Variants in SGSM2 observed in about 807,000 individuals in gnomAD.
SGSM2 encodes small G protein signaling modulator 2.
Under a neutral mutation model 126.6 loss-of-function variants are expected in SGSM2, and 89 were observed. The observed-to-expected ratio is 0.70, with a 90% CI of 0.59 to 0.84. The LOEUF (loss-of-function observed/expected upper bound fraction) is 0.84. SGSM2 is among the 40% of genes least tolerant of loss of function. The pLI is 0.00. For missense variants in SGSM2, 1,404 were observed against 1,416.6 expected (o/e 0.99, Z 0.14); for synonymous variants, 614 against 574.3 (o/e 1.07, Z -0.99).
chr17:2,363,085 G>C lies in SGSM2; in HGVS notation c.623G>C (p.Arg208Pro). ...ADELVQRHRIRGPPTRQDSPA... is the reference protein window; with the variant it reads ...ADELVQRHRIPGPPTRQDSPA... ...GAGCTGGTCCAGCGGCACCGCATCC[G>C]GGGTCCACCTACTCGCCAGGACTCC... Residue 208 changes from arginine (R) to proline (P), a missense_variant, in exon 6 of 24, where the codon CGG becomes CCG. By Grantham distance (103) the Arg-to-Pro change is moderately radical. Transcript: ENST00000268989. The surrounding 1 kb of genome is among the most constrained non-coding windows in gnomAD (Gnocchi z 4.2). The C allele has an allele frequency of 1.2e-6, 2 of 1,613,280 alleles. No individual in the cohort carries two copies. Among genetic ancestry groups the C allele is most frequent in the Non-Finnish European group, 1.7e-6 (2 of 1,179,858 alleles).
At position 2,373,419 on chromosome 17, in the gene SGSM2, C is replaced by A; in HGVS notation, c.2006C>A (p.Ala669Asp). ...EVVVRQREREAHPATRTKFSS... is the reference protein window; with the variant it reads ...EVVVRQREREDHPATRTKFSS... ...GTGGTGAGGCAGCGGGAGCGGGAGG[C>A]CCACCCAGCCACACGCACCAAGTTC... Residue 669 changes from alanine (A) to aspartate (D), a missense_variant, in exon 17 of 24, where the codon GCC (alanine) becomes GAC (aspartate). Transcript: ENST00000268989. The A allele has an allele frequency of 6.2e-7, 1 of 1,611,682 alleles. No homozygotes were observed.
In SGSM2 at chr17:2,362,138, T is replaced by C; in HGVS notation, c.326T>C (p.Leu109Pro). ...RKPSGVSQEA[L>P]RRQGSASGKA... ...CCCTCAGGGGTCAGCCAGGAGGCCC[T>C]GCGGAGACAGGGCTCAGCCAGCGGG... The change falls in exon 4 of 24, where the codon CTG (leucine) becomes CCG (proline). Residue 109 changes from leucine (L) to proline (P), a missense_variant. Physicochemically the swap from Leu to Pro is moderately conservative, Grantham distance 98 (BLOSUM62 -3). Transcript: ENST00000268989. The surrounding 1 kb of genome is among the most constrained non-coding windows in gnomAD (Gnocchi z 4.9). The C allele has an allele frequency of 6.2e-7, 1 of 1,613,528 alleles. No individual in the cohort carries two copies. Among genetic ancestry groups the C allele is most frequent in the Non-Finnish European group, 8.5e-7 (1 of 1,179,896 alleles).
intron 21 of SGSM2, chr17:2,377,483 C>CAAA (rs11339431): frequency 2.2e-4 from 25 of 112,504 alleles, no homozygotes; most frequent in Admixed American, 4.4e-4. Context: ...GACTCTGTCT[C>CAAA]AAAAAAAAAA....
intron 1 of SGSM2, among the ~76,000 whole-genome samples, chr17:2,340,781 TCACC>T (rs2151466492): frequency 6.6e-6 from 1 of 152,094 alleles, no homozygotes; most frequent in East Asian, 2.0e-4. Context: ...AGACGGGGTT[TCACC>T]ATGTTAGCCA....
At chr17:2,365,455 C>CTG in intron 11 of SGSM2, 114 bp downstream of exon 11, 1 of 1,250,298 alleles carries the variant, frequency 8.0e-7, no homozygotes, top group South Asian at 1.6e-5. Flanking sequence ...GCCAGGTTAA[C>CTG]ACCAGAGGCT....
Position 2,371,318 on chromosome 17 carries a change from C to T in SGSM2, c.1480C>T (p.Leu494=), listed in dbSNP as rs1254158240. ...TGGGCCCAGCCTGCCAGCCTGGCAC[C>T]TGGAGCCCCTGTGCAGTCAGGGCTC... The part of the protein sequence containing the change: ...GFGPSLPAWH[L]EPLCSQGSSC... The change falls in exon 13 of 24, where the codon CTG becomes TTG. Residue 494 remains leucine, a synonymous_variant. Transcript: ENST00000268989. 4 of 1,612,408 alleles carry T rather than the reference C, an allele frequency of 2.5e-6. No homozygotes were observed. The highest frequency in any genetic ancestry group is 1.7e-4 in the Middle Eastern group (1 of 5,984).
chr17:2,362,399 G>A lies in SGSM2; in HGVS notation c.458+129G>A, dbSNP rs1346208652. The A allele has an allele frequency of 8.6e-6, 9 of 1,040,678 alleles. No individual in the cohort carries two copies. In the African/African-American group the frequency reaches 8.9e-5, roughly 10 times the overall value. The allele number at this position is 1,040,678 out of a possible 1,614,324, so 64.5% of individuals were successfully genotyped here. A position where few individuals can be genotyped will look rare whatever the true frequency, so the allele number is the denominator to read the frequency against. On this transcript the variant is annotated intron_variant, in intron 4 of 23. Coordinates refer to ENST00000268989, the MANE Select transcript of SGSM2 (RefSeq NM_014853.3). The surrounding 1 kb of genome is among the most constrained non-coding windows in gnomAD (Gnocchi z 4.9). ...CCCAAAAACTGCAGGTGACCGCCCCGTTCCCCCCAAAACTGCAGGTGACCG... is the reference window on the plus strand; with the variant it reads ...CCCAAAAACTGCAGGTGACCGCCCCATTCCCCCCAAAACTGCAGGTGACCG...
intron 9 of SGSM2, 82 bp from the exon 10 acceptor site, chr17:2,364,815 C>T: frequency 1.4e-5 from 22 of 1,579,682 alleles, no homozygotes; most frequent in Non-Finnish European, 1.8e-5. Flanking sequence ...CATCTGCCTC[C>T]TACCCAGCCT....
At position 2,375,749 on chromosome 17, in the gene SGSM2, C is replaced by A; in HGVS notation, c.2358C>A (p.Gly786=). The change falls in exon 18 of 24, where the codon GGC becomes GGA. Residue 786 remains glycine, a synonymous_variant. Transcript: ENST00000268989. ...AGGAGGACGGCGGTGGGGAGGAAGG[C>A]TCCAGTGGGCCCGGCCCTGCAGCTC... The part of the protein sequence containing the change: ...FEEEDGGGEE[G]SSGPGPAAHT... 1.9e-6 allele frequency: 3 copies of A among 1,605,654 alleles called. No individual in the cohort carries two copies. Among genetic ancestry groups the A allele is most frequent in the Non-Finnish European group, 2.6e-6 (3 of 1,174,638 alleles).
At chr17:2,340,791 A>T (rs142769156) in intron 1 of SGSM2, among the ~76,000 whole-genome samples, 4 of 151,352 alleles carry the variant, frequency 2.6e-5, no homozygotes, top group East Asian at 2.0e-4. Context: ...TCACCATGTT[A>T]GCCAGGATGG....
chr17:2,364,395 C>CT, intron 8 of SGSM2: 2 of 838,224 alleles, frequency 2.4e-6, no homozygotes, highest in Non-Finnish European at 1.9e-6. Context: ...GAGCCAAGCT[C>CT]TCAGCGGCTG....
rs776236090 is a variant in SGSM2 at position 2,373,001 on chromosome 17, G to C, written c.1837G>C (p.Glu613Gln). The change falls in exon 16 of 24, where the codon GAG becomes CAG. Residue 613 changes from glutamate (E) to glutamine (Q), a missense_variant. Physicochemically the swap from Glu to Gln is conservative, Grantham distance 29 (BLOSUM62 2). Coordinates refer to ENST00000268989, the MANE Select transcript of SGSM2 (RefSeq NM_014853.3). ...LLRQVYYGGI[E>Q]HEIRKDVWPF... is the part of the protein sequence containing the mutation. ...GCGGCAAGTTTACTACGGAGGCATA[G>C]AGCACGAGATCCGCAAGGACGTCTG... 31 of 1,593,502 alleles carry C rather than the reference G, an allele frequency of 1.9e-5. No homozygotes were observed. In the African/African-American group the frequency reaches 3.5e-4, roughly 18 times the overall value.
intron 17 of SGSM2, 68 bp downstream of exon 17, chr17:2,373,581 T>C: frequency 7.0e-7 from 1 of 1,425,160 alleles, no homozygotes. Context: ...ACAGTGGTCC[T>C]GAGCACCAGC....
chr17:2,357,200 G>A (rs924827459), intron 2 of SGSM2, among the ~76,000 whole-genome samples: 7 of 152,168 alleles, frequency 4.6e-5, no homozygotes, highest in African/African-American at 1.7e-4. Flanking sequence ...GACCTTTGTA[G>A]GGGTGTCCAA....
At position 2,362,689 on chromosome 17, in the gene SGSM2, C is replaced by T. The variant is rs979214401; in HGVS notation, c.459-149C>T. The stretch of plus-strand genomic sequence containing the variant: ...CCCTCAAGGCATTGGCCATACCAGG[C>T]ACCTCACGAAGCCCAGTCCCTAAGG... On this transcript the variant is annotated intron_variant, in intron 4 of 23. Transcript: ENST00000268989. This position sits in a 1 kb window ranked among gnomAD's most constrained non-coding sequence, Gnocchi z 4.9. The T allele has an allele frequency of 6.4e-6, 5 of 782,540 alleles. No homozygotes were observed. The highest frequency in any genetic ancestry group is 1.7e-5 in the South Asian group (1 of 60,524). 48.5% of individuals were successfully genotyped at this position (782,540 alleles called of 1,614,324 possible).
chr17:2,380,410 A>G lies in SGSM2; in HGVS notation c.*890A>G. ...CAGCCTCCCCTCAGAGACAGGCCTC[A>G]GTTCGAGGGCAGCCCATTATCTGTC... On this transcript the variant is annotated 3_prime_UTR_variant, in exon 24 of 24. Transcript: ENST00000268989. 2.8e-6 allele frequency: 3 copies of G among 1,079,402 alleles called. No homozygotes were observed. Among genetic ancestry groups the G allele is most frequent in the Non-Finnish European group, 4.1e-6 (3 of 733,470 alleles). 66.9% of individuals were successfully genotyped at this position (1,079,402 alleles called of 1,614,324 possible).
chr17:2,362,363 C>T lies in SGSM2; in HGVS notation c.458+93C>T, dbSNP rs1240572463. On this transcript the variant is annotated intron_variant, in intron 4 of 23. Coordinates refer to ENST00000268989, the MANE Select transcript of SGSM2 (RefSeq NM_014853.3). The surrounding 1 kb of genome is among the most constrained non-coding windows in gnomAD (Gnocchi z 4.9). ...CCCGTTCCCCAAAAACTGCAGGTGA[C>T]CGCCCCGTTCCCCAAAAACTGCAGG... 7.5e-7 allele frequency: 1 copy of T among 1,339,010 alleles called. No homozygotes were observed. The highest frequency in any genetic ancestry group is 1.0e-6 in the Non-Finnish European group (1 of 987,422). The allele number at this position is 1,339,010 out of a possible 1,614,324, so 82.9% of individuals were successfully genotyped here.
chr17:2,370,433 TAAG>T (rs2065814277), intron 12 of SGSM2, among the ~76,000 whole-genome samples: 1 of 152,186 alleles, frequency 6.6e-6, no homozygotes, highest in African/African-American at 2.4e-5. Context: ...TAGCTGTGTC[TAAG>T]GAGTCATCTT....
At chr17:2,365,374 G>A (rs2065517715) in intron 11 of SGSM2, 33 bp downstream of exon 11, 4 of 1,508,992 alleles carry the variant, frequency 2.7e-6, no homozygotes, top group African/African-American at 1.4e-5. Flanking sequence ...CGGGGGAGGA[G>A]AGGAAGACGC....
Sources: allele counts gnomAD v4.1 joint callset (sites outside exome capture counted in the v4.1 genomes callset), GRCh38; gene constraint gnomAD v4.1.1; non-coding constraint Gnocchi (gnomAD v3.1); transcripts MANE v1.5; gene names NCBI Gene and HGNC (gene_info 2026-07-23, HGNC 2026-07-21).